The following IWS1 variants were observed in gnomAD, a reference collection of about 807,000 sequenced individuals.
IWS1 encodes interacts with SUPT6H, CTD assembly factor 1, also known as protein IWS1 homolog.
Under a neutral mutation model 86.7 loss-of-function variants are expected in IWS1, and 27 were observed. That is an observed-to-expected ratio of 0.31 (90% confidence interval 0.23 to 0.43). The LOEUF (loss-of-function observed/expected upper bound fraction) is 0.43. Among genes scored for constraint, IWS1 ranks in the 20% least tolerant of loss-of-function variants. The pLI is 1.00. For missense variants in IWS1, 827 were observed against 1,000.8 expected (o/e 0.83, Z 2.34); for synonymous variants, 313 against 335.1 (o/e 0.93, Z 0.72).
intron 10 of IWS1, among the ~76,000 whole-genome samples, chr2:127,491,709 C>T (rs1469366519): frequency 6.6e-6 from 1 of 152,176 alleles, no homozygotes; most frequent in Non-Finnish European, 1.5e-5. Flanking sequence ...TCCCAAAGTG[C>T]TGGGATTACA....
At chr2:127,484,307 G>A (rs1017228423) in intron 13 of IWS1, among the ~76,000 whole-genome samples, 5 of 152,032 alleles carry the variant, frequency 3.3e-5, no homozygotes, top group East Asian at 1.9e-4. Context: ...GTGAGACACC[G>A]TCTCAAAAAC....
intron 13 of IWS1, among the ~76,000 whole-genome samples, chr2:127,483,591 T>TTGGGGGGGGGG (rs1689761918): frequency 5.7e-5 from 1 of 17,520 alleles, no homozygotes; most frequent in Admixed American, 7.6e-4. Flanking sequence ...GGTGGTGGGG[T>TTGGGGGGGGGG]GGGGGGGTTG....
At chr2:127,519,376 T>A (rs1691961586) in intron 2 of IWS1, among the ~76,000 whole-genome samples, 1 of 151,930 alleles carries the variant, frequency 6.6e-6, no homozygotes, top group Non-Finnish European at 1.5e-5. Context: ...TTTTAATAAC[T>A]AAAGGAGCTT....
chr2:127,494,947 C>T lies in IWS1; in HGVS notation c.1724G>A (p.Arg575Lys). ...VKMNEAAEEDRQLNNQKKPAL... is the reference protein window; with the variant it reads ...VKMNEAAEEDKQLNNQKKPAL... Reference sequence around the variant, plus strand: ...TGGCTTTTTTTGATTGTTCAACTGTCTGTCTTCCTATTCAGAAAAAAAATA... The same window carrying T: ...TGGCTTTTTTTGATTGTTCAACTGTTTGTCTTCCTATTCAGAAAAAAAATA... The change falls in exon 8 of 14, where the codon AGA becomes AAA. Residue 575 changes from arginine (R) to lysine (K), a missense_variant. By Grantham distance (26) the Arg-to-Lys change is conservative (BLOSUM62 2). Transcript: ENST00000295321. The T allele has an allele frequency of 1.3e-6, 2 of 1,583,738 alleles. No homozygotes were observed. Among genetic ancestry groups the T allele is most frequent in the Non-Finnish European group, 1.7e-6 (2 of 1,163,188 alleles).
chr2:127,510,030 T>C (rs1691361201), intron 2 of IWS1, among the ~76,000 whole-genome samples: 1 of 152,234 alleles, frequency 6.6e-6, no homozygotes, highest in South Asian at 2.1e-4. Flanking sequence ...TCTTCTTTAC[T>C]GGTGAGAAGT....
In IWS1 at chr2:127,492,068, C is replaced by T; in HGVS notation, c.1950G>A (p.Glu650=). The change falls in exon 10 of 14, where the codon GAG becomes GAA. Residue 650 remains glutamate, a synonymous_variant. Transcript: ENST00000295321. Reference sequence around the variant, plus strand: ...GTCCAATCCCACTATGCTTCAGGGTCTCCTGGCTCACACTAGGCAGCTGGG... The same window carrying T: ...GTCCAATCCCACTATGCTTCAGGGTTTCCTGGCTCACACTAGGCAGCTGGG... The part of the protein sequence containing the change: ...ILQELPSVSQ[E]TLKHSGIGRA... The T allele has an allele frequency of 1.2e-6, 2 of 1,613,762 alleles. No homozygotes were observed. The highest frequency in any genetic ancestry group is 1.7e-6 in the Non-Finnish European group (2 of 1,179,648).
At chr2:127,518,041 T>C (rs1691869835) in intron 2 of IWS1, among the ~76,000 whole-genome samples, 1 of 152,160 alleles carries the variant, frequency 6.6e-6, no homozygotes, top group African/African-American at 2.4e-5. Flanking sequence ...TATCAGTGGT[T>C]GCTGAGGACT....
upstream of IWS1, among the ~76,000 whole-genome samples, chr2:127,527,191 CAG>C (rs375980404): frequency 2.0e-5 from 3 of 152,276 alleles, no homozygotes; most frequent in African/African-American, 7.2e-5. Context: ...CCATGTGACT[CAG>C]ATAAAACGCG....
chr2:127,515,282 T>A (rs745763581), intron 2 of IWS1, among the ~76,000 whole-genome samples: 1 of 152,210 alleles, frequency 6.6e-6, no homozygotes, highest in Non-Finnish European at 1.5e-5. Flanking sequence ...TTTCATTTAA[T>A]GCCCAGTAAC....
intron 2 of IWS1, among the ~76,000 whole-genome samples, chr2:127,516,939 T>C (rs976842111): frequency 6.6e-6 from 1 of 152,070 alleles, no homozygotes; most frequent in African/African-American, 2.4e-5. Context: ...GTTCCCCCAC[T>C]ACAATGAAAT....
chr2:127,483,591 T>TGGGGGGGGGGGGG (rs1187157658), intron 13 of IWS1, among the ~76,000 whole-genome samples: 2 of 17,520 alleles, frequency 1.1e-4, no homozygotes, highest in African/African-American at 4.7e-4. Context: ...GGTGGTGGGG[T>TGGGGGGGGGGGGG]GGGGGGGTTG....
intron 6 of IWS1, among the ~76,000 whole-genome samples, chr2:127,496,786 C>T (rs1003121188): frequency 2.6e-5 from 4 of 152,150 alleles, no homozygotes; most frequent in African/African-American, 9.7e-5. Flanking sequence ...ATATGTCACC[C>T]AGGCTTGTCT....
intron 13 of IWS1, among the ~76,000 whole-genome samples, chr2:127,485,566 T>C (rs1558738724): frequency 6.6e-6 from 1 of 152,128 alleles, no homozygotes; most frequent in African/African-American, 2.4e-5. Context: ...GTAACACATA[T>C]CACTGTAATT....
chr2:127,526,533 C>T (rs541745696), upstream of IWS1: 413 of 1,456,588 alleles, frequency 2.8e-4, no homozygotes, highest in Non-Finnish European at 3.7e-4. Flanking sequence ...CGCCGCAACC[C>T]GTCAACCGGC....
rs397718564 is a variant in IWS1 at position 127,499,095 on chromosome 2, C to CTTT, written c.1468-861_1468-859dup. ...TTTGCCAGGCATAATTTTTCTTTTT[C>CTTT]TTTTTTTTTTTTTGAGACGGAGTCT... On this transcript the variant is annotated intron_variant, in intron 5 of 13. Coordinates refer to ENST00000295321, the MANE Select transcript of IWS1 (RefSeq NM_017969.3). This position sits in a 1 kb window ranked among gnomAD's most constrained non-coding sequence, Gnocchi z 4.0. 4.8e-4 allele frequency among the ~76,000 whole-genome samples: 69 copies of CTTT among 143,792 alleles called. No individual in the cohort carries two copies. Among genetic ancestry groups the CTTT allele is most frequent in the African/African-American group, 1.6e-3 (63 of 38,942 alleles). 94.3% of individuals were successfully genotyped at this position (143,792 alleles called of 152,430 possible).
At position 127,526,290 on chromosome 2, in the gene IWS1, C is replaced by T. The variant is rs1183178852; in HGVS notation, c.-82G>A. ...TTCCAGGCGGTGTGACCCCGGATGG[C>T]GCGGCTAAGTGTTCAGAGACTGCCG... On this transcript the variant is annotated 5_prime_UTR_variant, in exon 1 of 14. Coordinates refer to ENST00000295321, the MANE Select transcript of IWS1 (RefSeq NM_017969.3). 5.2e-6 allele frequency: 8 copies of T among 1,544,112 alleles called. No homozygotes were observed. The highest frequency in any genetic ancestry group is 7.0e-6 in the Non-Finnish European group (8 of 1,146,878).
At chr2:127,515,604 T>C (rs1245940597) in intron 2 of IWS1, among the ~76,000 whole-genome samples, 1 of 152,190 alleles carries the variant, frequency 6.6e-6, no homozygotes, top group East Asian at 1.9e-4. Context: ...ACAAGGACTT[T>C]TGGCATCACA....
intron 5 of IWS1, chr2:127,498,912 T>C (rs982540234): frequency 6.6e-6 from 1 of 152,212 alleles, no homozygotes; most frequent in Non-Finnish European, 1.5e-5. Context: ...ATTCTTTCTC[T>C]GTGAACTCTG....
In IWS1 at chr2:127,498,176, T is replaced by A. The variant is rs902473125; in HGVS notation, c.1529A>T (p.Asp510Val). ...CTTTATGTTATCATCAGAATCTGAATCTTCTGCTTCTTTTACCTGTGTTTC... is the reference window on the plus strand; with the variant it reads ...CTTTATGTTATCATCAGAATCTGAAACTTCTGCTTCTTTTACCTGTGTTTC... ...KGETQVKEAE[D>V]SDSDDNIKRG... Residue 510 changes from aspartate (D) to valine (V), a missense_variant, in exon 6 of 14, where the codon GAT becomes GTT. By Grantham distance (152) the Asp-to-Val change is radical. Around this residue, in one of 2 missense-constraint regions of IWS1, gnomAD observed 279 missense variants for 440.6 expected, o/e 0.63. Coordinates refer to ENST00000295321, the MANE Select transcript of IWS1 (RefSeq NM_017969.3). 1 of 1,586,422 alleles carries A rather than the reference T, an allele frequency of 6.3e-7. No homozygotes were observed. Among genetic ancestry groups the A allele is most frequent in the Non-Finnish European group, 8.7e-7 (1 of 1,154,982 alleles).
Sources: gnomAD v4.1 joint callset for allele counts (sites outside exome capture counted in the v4.1 genomes callset) on GRCh38, gnomAD v4.1.1 for gene constraint, gnomAD v4.1.1 regional missense constraint, Gnocchi (gnomAD v3.1) non-coding constraint, MANE v1.5 for transcripts, NCBI Gene and HGNC (gene_info 2026-07-23, HGNC 2026-07-21) for gene names.